LNPK: variants seen among roughly 807,000 people sequenced by gnomAD.
LNPK encodes lunapark, ER junction formation factor.
LNPK carries 29 observed loss-of-function variants against 55.2 expected under a neutral mutation model. That is an observed-to-expected ratio of 0.53 (90% CI 0.39 to 0.72). The LOEUF is 0.72. Ranked by LOEUF, LNPK falls within the 30% of genes least tolerant of loss-of-function variation. The probability of loss-of-function intolerance (pLI) is 0.00; values close to 1 mark genes in which losing one functional copy is unlikely to be tolerated. For missense variants in LNPK, 467 were observed against 494.8 expected (o/e 0.94, Z 0.53); for synonymous variants, 162 against 168.2 (o/e 0.96, Z 0.29).
intron 1 of LNPK, among the ~76,000 whole-genome samples, chr2:175,996,068 C>T (rs1559078477): frequency 6.6e-6 from 1 of 152,024 alleles, no homozygotes; most frequent in Non-Finnish European, 1.5e-5. Flanking sequence ...CCGCCTTGGC[C>T]TCCTAAACTG....
In LNPK at chr2:175,938,335, C is replaced by T. The variant is rs1387585417; in HGVS notation, c.861G>A (p.Leu287=). ...TACCAATGTATTCAAATTCTTCCTTCAAAGCCATGCCATTATGAGAAAAAC... is the reference window on the plus strand; with the variant it reads ...TACCAATGTATTCAAATTCTTCCTTTAAAGCCATGCCATTATGAGAAAAAC... ...QQCFSHNGMA[L]KEEFEYIAFR... Residue 287 remains leucine (L), a synonymous_variant, in exon 11 of 13, where the codon TTG becomes TTA. Coordinates refer to ENST00000272748, the MANE Select transcript of LNPK (RefSeq NM_030650.3). 1 of 1,600,638 alleles carries T rather than the reference C, an allele frequency of 6.2e-7. No homozygotes were observed.
intron 12 of LNPK, among the ~76,000 whole-genome samples, chr2:175,936,627 T>C (rs995717409): frequency 2.0e-5 from 3 of 152,142 alleles, no homozygotes; most frequent in African/African-American, 7.2e-5. Flanking sequence ...CAAGTATTAA[T>C]ACTGTAGCAA....
intron 8 of LNPK, among the ~76,000 whole-genome samples, chr2:175,956,524 G>A (rs1685702657): frequency 6.6e-6 from 1 of 152,068 alleles, no homozygotes; most frequent in Non-Finnish European, 1.5e-5. Context: ...TTTGGAAAGA[G>A]CCACATAATA....
intron 4 of LNPK, 42 bp downstream of exon 4, chr2:175,992,189 G>T: frequency 7.6e-7 from 1 of 1,313,750 alleles, no homozygotes; most frequent in Non-Finnish European, 1.0e-6. Context: ...AGACTCTCTA[G>T]TCAGAAAAGG....
intron 8 of LNPK, 50 bp from the exon 9 acceptor site, chr2:175,947,742 G>A: frequency 7.8e-7 from 1 of 1,280,930 alleles, no homozygotes; most frequent in Non-Finnish European, 1.1e-6. Flanking sequence ...TACCATATTA[G>A]CCAGTATCAC....
chr2:175,932,709 T>A (rs1219047031), intron 12 of LNPK, among the ~76,000 whole-genome samples: 1 of 152,186 alleles, frequency 6.6e-6, no homozygotes, highest in African/African-American at 2.4e-5. Flanking sequence ...GAATTACATA[T>A]AAATTTAATA....
intron 6 of LNPK, among the ~76,000 whole-genome samples, chr2:175,967,192 C>T (rs960381024): frequency 6.6e-6 from 1 of 151,978 alleles, no homozygotes; most frequent in African/African-American, 2.4e-5. Context: ...CATCAGCTAT[C>T]GTTAGTGTTA....
At chr2:175,957,226 C>T (rs1187525268) in intron 8 of LNPK, among the ~76,000 whole-genome samples, 6 of 151,890 alleles carry the variant, frequency 4.0e-5, no homozygotes, top group East Asian at 1.9e-4. Context: ...GGTGTCATGG[C>T]GGGCACCTGT....
At chr2:175,949,035 C>T (rs935935490) in intron 8 of LNPK, among the ~76,000 whole-genome samples, 2 of 152,092 alleles carry the variant, frequency 1.3e-5, no homozygotes, top group Non-Finnish European at 2.9e-5. Flanking sequence ...TTAATGAATA[C>T]TTATTTCAGA....
intron 4 of LNPK, among the ~76,000 whole-genome samples, chr2:175,982,107 G>C (rs1687199702): frequency 1.3e-5 from 2 of 152,122 alleles, no homozygotes; most frequent in African/African-American, 4.8e-5. Context: ...TATAGGTTAA[G>C]CATAATGCCC....
intron 4 of LNPK, among the ~76,000 whole-genome samples, chr2:175,991,216 C>T (rs760551318): frequency 9.2e-5 from 14 of 152,082 alleles, no homozygotes; most frequent in Non-Finnish European, 1.6e-4. Flanking sequence ...ATTTACTAAA[C>T]ATCTCATACT....
chr2:175,929,490 A>G lies in LNPK; in HGVS notation c.*477T>C, dbSNP rs143450420. On this transcript the variant is annotated 3_prime_UTR_variant, in exon 13 of 13. Transcript: ENST00000272748. ...CATACCGCTTAATGTAAACACCTAA[A>G]TAGACATTTCTCCCAGTTGTAAATA... 5.0e-6 allele frequency: 5 copies of G among 993,550 alleles called. No homozygotes were observed. The African/African-American group carries it at 8.7e-5, about 17-fold the overall frequency. The allele number at this position is 993,550 out of a possible 1,614,324, so 61.5% of individuals were successfully genotyped here.
At chr2:175,951,883 C>T (rs972867587) in intron 8 of LNPK, among the ~76,000 whole-genome samples, 1 of 151,656 alleles carries the variant, frequency 6.6e-6, no homozygotes. Context: ...TTCACCACAC[C>T]CACACCAACA....
intron 4 of LNPK, among the ~76,000 whole-genome samples, chr2:175,981,675 C>A (rs1687180705): frequency 6.6e-6 from 1 of 152,158 alleles, no homozygotes. Context: ...GCCTACCGAG[C>A]AGTGAGCTGG....
chr2:175,977,433 C>A (rs1019809610), intron 5 of LNPK, among the ~76,000 whole-genome samples: 1 of 151,878 alleles, frequency 6.6e-6, no homozygotes, highest in Non-Finnish European at 1.5e-5. Context: ...ACAGCACAGA[C>A]CCAAACAAGT....
At chr2:175,994,874 G>C (rs1018633909) in intron 2 of LNPK, among the ~76,000 whole-genome samples, 8 of 148,238 alleles carry the variant, frequency 5.4e-5, no homozygotes, top group Non-Finnish European at 8.9e-5. Context: ...TAAGCTTCAA[G>C]TAAAAAGATA....
At chr2:175,959,093 G>C (rs1685863240) in intron 8 of LNPK, among the ~76,000 whole-genome samples, 2 of 152,162 alleles carry the variant, frequency 1.3e-5, no homozygotes, top group African/African-American at 4.8e-5. Context: ...ACGTTTCATT[G>C]GTGTACCTGA....
chr2:175,937,202 G>A, intron 12 of LNPK, 142 bp downstream of exon 12: 1 of 699,736 alleles, frequency 1.4e-6, no homozygotes, highest in South Asian at 2.1e-5. Context: ...CACACAGGAG[G>A]CTATGGTAAC....
intron 2 of LNPK, 60 bp from the exon 3 acceptor site, chr2:175,993,283 G>T: frequency 1.0e-6 from 1 of 992,670 alleles, no homozygotes; most frequent in South Asian, 2.0e-5. Context: ...TTTACATTTT[G>T]ATATAATCAT....
Sources: allele counts gnomAD v4.1 joint callset (sites outside exome capture counted in the v4.1 genomes callset), GRCh38; gene constraint gnomAD v4.1.1; transcripts MANE v1.5; gene names NCBI Gene and HGNC (gene_info 2026-07-23, HGNC 2026-07-21).